The following EPN2 variants were observed in gnomAD, a reference collection of about 807,000 sequenced individuals.
EPN2 encodes the protein epsin-2.
In EPN2, 34 loss-of-function variants were observed where a neutral mutation model predicts 61.7. The ratio of observed to expected loss-of-function variants is 0.55; its 90% confidence interval spans 0.42 to 0.73. The LOEUF (loss-of-function observed/expected upper bound fraction) is 0.73. EPN2 is among the 30% of genes least tolerant of loss of function. The pLI is 0.00. For missense variants in EPN2, 714 were observed against 839.2 expected, an observed-to-expected ratio of 0.85 and a Z score of 1.84; for synonymous variants, 349 against 353.6, an observed-to-expected ratio of 0.99 and a Z score of 0.15.
rs1434289543 is a variant in EPN2, at chr17:19,328,051, TTTC to T, written c.1148-657_1148-655del. Among the ~76,000 whole-genome samples, 22 of 152,252 alleles carry T rather than the reference TTTC, an allele frequency of 1.4e-4. 1 individual carries two copies. The highest frequency in any genetic ancestry group is 1.0e-3 in the Admixed American group (16 of 15,284). ...TGTTTTAGTTTTTTTGTGTGTGTTT[TTTC>T]TTTTTTTAAAAATTTTTTTCTCTGT... On this transcript the variant is annotated intron_variant, in intron 7 of 10. Coordinates refer to ENST00000314728, the MANE Select transcript of EPN2 (RefSeq NM_014964.5).
intron 1 of EPN2, among the ~76,000 whole-genome samples, chr17:19,239,689 G>A (rs1348559880): frequency 6.6e-6 from 1 of 152,244 alleles, no homozygotes; most frequent in Non-Finnish European, 1.5e-5. Flanking sequence ...CTTGTGGGAT[G>A]TACCAAGTTT....
At chr17:19,293,802 T>A (rs1044486365) in intron 4 of EPN2, among the ~76,000 whole-genome samples, 4 of 151,912 alleles carry the variant, frequency 2.6e-5, no homozygotes, top group Non-Finnish European at 5.9e-5. Flanking sequence ...AACAGTGCTA[T>A]CAAGGCTGGG....
chr17:19,277,328 G>GA (rs1356516917), intron 1 of EPN2, among the ~76,000 whole-genome samples: 1 of 149,458 alleles, frequency 6.7e-6, no homozygotes, highest in Non-Finnish European at 1.5e-5. Context: ...ATGAACCTGA[G>GA]AGGCAGAGGT....
chr17:19,324,070 C>T (rs960964422), intron 7 of EPN2, among the ~76,000 whole-genome samples: 3 of 152,130 alleles, frequency 2.0e-5, no homozygotes, highest in African/African-American at 7.2e-5. Context: ...TTTGTTGTTC[C>T]CAGCAATTGG....
At chr17:19,239,135 C>A (rs117432708) in intron 1 of EPN2, among the ~76,000 whole-genome samples, 5,407 of 152,226 alleles carry the variant, frequency 0.036, 126 homozygotes, top group Middle Eastern at 0.068. Context: ...GGAAGCGCAC[C>A]TAAACTTTTA....
At position 19,245,519 on chromosome 17, in the gene EPN2, C is replaced by T. The variant is rs1453967616; in HGVS notation, c.-294+7988C>T. ...CGGCGGGATCTCAGCTCACTGCAGC[C>T]TCTGCCTCCCAGGTTCAAGCAATCC... On this transcript the variant is annotated intron_variant, in intron 1 of 10. Coordinates refer to ENST00000314728, the MANE Select transcript of EPN2 (RefSeq NM_014964.5). Among the ~76,000 whole-genome samples, 4 of 151,520 alleles carry T rather than the reference C, an allele frequency of 2.6e-5. No homozygotes were observed. In the East Asian group the frequency reaches 7.8e-4, roughly 30 times the overall value.
intron 1 of EPN2, among the ~76,000 whole-genome samples, chr17:19,267,238 T>G (rs4608393): frequency 0.88 from 133,773 of 151,702 alleles, 59,322 homozygotes; most frequent in East Asian, 1. Flanking sequence ...TGAGGACGTG[T>G]GTGGTGACCA....
chr17:19,238,262 G>T (rs2044841105), intron 1 of EPN2, among the ~76,000 whole-genome samples: 1 of 152,244 alleles, frequency 6.6e-6, no homozygotes, highest in Non-Finnish European at 1.5e-5. Flanking sequence ...GGTGCGTGGG[G>T]TCTGGCCTCT....
chr17:19,292,166 T>C (rs2045471747), intron 4 of EPN2, among the ~76,000 whole-genome samples: 1 of 152,252 alleles, frequency 6.6e-6, no homozygotes, highest in Non-Finnish European at 1.5e-5. Context: ...CTGGGCCAGC[T>C]GAGGTCTCCT....
At chr17:19,270,014 G>A (rs1285142929) in intron 1 of EPN2, among the ~76,000 whole-genome samples, 1 of 152,132 alleles carries the variant, frequency 6.6e-6, no homozygotes, top group African/African-American at 2.4e-5. Flanking sequence ...ATAAGAATAG[G>A]GATTAAGAGG....
In EPN2 at chr17:19,328,729, C is replaced by T. The variant is rs1471930366; in HGVS notation, c.1166C>T (p.Ser389Phe). 1.2e-6 allele frequency: 2 copies of T among 1,610,832 alleles called. No homozygotes were observed. Among genetic ancestry groups the T allele is most frequent in the Non-Finnish European group, 1.7e-6 (2 of 1,178,078 alleles). The change falls in exon 8 of 11, where the codon TCC (serine) becomes TTC (phenylalanine). Residue 389 changes from serine (S) to phenylalanine (F), a missense_variant. Physicochemically the swap from Ser to Phe is radical, Grantham distance 155. Transcript: ENST00000314728. ...CCAACAGGTACCAAGCCAGCTGCCT[C>T]CATTGACCCATGGGGGGTGCCCACT... ...WPSFGTKPAASIDPWGVPTGA... is the reference protein window; with the variant it reads ...WPSFGTKPAAFIDPWGVPTGA...
At chr17:19,259,288 G>T (rs910625487) in intron 1 of EPN2, among the ~76,000 whole-genome samples, 1 of 150,088 alleles carries the variant, frequency 6.7e-6, no homozygotes, top group Non-Finnish European at 1.5e-5. Context: ...TATTGATCTG[G>T]CATCTTTTGA....
chr17:19,239,314 G>A (rs993184379), intron 1 of EPN2, among the ~76,000 whole-genome samples: 1 of 152,134 alleles, frequency 6.6e-6, no homozygotes, highest in Non-Finnish European at 1.5e-5. Flanking sequence ...ACCACGCCCG[G>A]CTAATCTTTG....
rs80078595 is a variant in EPN2, at chr17:19,276,773, G to GTTTTTTTTTTTTTTTTTTTT, written c.-293-5164_-293-5163insTTTTTTTTTTTTTTTTTTTT. Among the ~76,000 whole-genome samples the GTTTTTTTTTTTTTTTTTTTT allele has an allele frequency of 1.2e-3, 145 of 119,276 alleles. 8 individuals carry two copies. Among genetic ancestry groups the GTTTTTTTTTTTTTTTTTTTT allele is most frequent in the African/African-American group, 5.6e-3 (134 of 24,062 alleles). 78.2% of individuals were successfully genotyped at this position (119,276 alleles called of 152,430 possible). A position where few individuals can be genotyped will look rare whatever the true frequency, so the allele number is the denominator to read the frequency against. On this transcript the variant is annotated intron_variant, in intron 1 of 10. Coordinates refer to ENST00000314728, the MANE Select transcript of EPN2 (RefSeq NM_014964.5). ...GTCAGTATGTAATTTATGAGAATAA[G>GTTTTTTTTTTTTTTTTTTTT]TTTTTTTTTTTTTTTTTTGCTGTAT...
chr17:19,335,438 T>C lies in EPN2; in HGVS notation c.*1184T>C, dbSNP rs1907365045. On this transcript the variant is annotated 3_prime_UTR_variant, in exon 11 of 11. Coordinates refer to ENST00000314728, the MANE Select transcript of EPN2 (RefSeq NM_014964.5). ...GGATTAACAGGACTTCTGTTTACAA[T>C]GGAAATCTGAAATGGAAGAAACATC... 28 of 1,550,192 alleles carry C rather than the reference T, an allele frequency of 1.8e-5. No individual in the cohort carries two copies. The highest frequency in any genetic ancestry group is 2.4e-5 in the Non-Finnish European group (28 of 1,146,740).
chr17:19,308,655 G>A (rs914890049), intron 4 of EPN2: 1 of 985,298 alleles, frequency 1.0e-6, no homozygotes, highest in Admixed American at 6.1e-5. Flanking sequence ...CCGGGAGGAG[G>A]ACAGGGCAAG....
intron 4 of EPN2, chr17:19,308,727 G>A (rs1429359165): frequency 4.2e-6 from 4 of 957,092 alleles, no homozygotes; most frequent in Admixed American, 6.2e-5. Context: ...GAGAGTTTTA[G>A]AGAAGCTATG....
At chr17:19,274,490 A>G (rs1356163747) in intron 1 of EPN2, 1 of 152,202 alleles carries the variant, frequency 6.6e-6, no homozygotes, top group Non-Finnish European at 1.5e-5. Context: ...GGGTTTTCAC[A>G]ATGTTGATTG....
rs1340531277 is a variant in EPN2 at position 19,250,788 on chromosome 17, C to T, written c.-294+13257C>T. Among the ~76,000 whole-genome samples the T allele has an allele frequency of 2.6e-5, 4 of 152,276 alleles. No homozygotes were observed. The East Asian group carries it at 5.8e-4, about 22-fold the overall frequency. On this transcript the variant is annotated intron_variant, in intron 1 of 10. Coordinates refer to ENST00000314728, the MANE Select transcript of EPN2 (RefSeq NM_014964.5). ...AGTCCAGTCAGGGCAGAATCCCCAA[C>T]GCAGGGTGGCTGAGTTTGTCTACCT...
Sources: allele counts gnomAD v4.1 joint callset (sites outside exome capture counted in the v4.1 genomes callset), GRCh38; gene constraint gnomAD v4.1.1; transcripts MANE v1.5; gene names NCBI Gene and HGNC (gene_info 2026-07-23, HGNC 2026-07-21).